The following PHF2 variants were observed in gnomAD, a reference collection of about 807,000 sequenced individuals.
The protein encoded by PHF2 is PHD finger protein 2.
Under a neutral mutation model 120.5 loss-of-function variants are expected in PHF2, and 27 were observed. The observed-to-expected ratio is 0.22, with a 90% confidence interval of 0.17 to 0.31. The LOEUF (loss-of-function observed/expected upper bound fraction) is 0.31, where lower values mean the gene tolerates loss of function less well. Ranked by LOEUF, PHF2 falls within the 10% of genes least tolerant of loss-of-function variation. PHF2 has a pLI of 1.00. For synonymous variants in PHF2, 568 were observed against 592.5 expected, an observed-to-expected ratio of 0.96 and a Z score of 0.60; for missense variants, 1,024 against 1,434.8, an observed-to-expected ratio of 0.71 and a Z score of 4.63.
At chr9:93,676,997 C>T (rs1199867534) in intron 21 of PHF2, 34 bp downstream of exon 21, 2 of 1,479,440 alleles carry the variant, frequency 1.4e-6, no homozygotes, top group Admixed American at 2.4e-5. Context: ...CTGCAGCCCC[C>T]CTGCCCTGCC....
Position 93,660,329 on chromosome 9 carries a change from C to CA in PHF2, c.1475dup (p.Thr493AspfsTer21), listed in dbSNP as rs769717544. On this transcript the variant is annotated frameshift_variant, in exon 12 of 22. Transcript: ENST00000359246. LOFTEE classifies it high-confidence loss of function. ...CTCAATCCCTCCTGGAGAAAGTGTC[C>CA]AAAAAAAAGACTCCCAAAACTGTGA... 15 of 1,606,998 alleles carry CA rather than the reference C, an allele frequency of 9.3e-6. No homozygotes were observed. Among genetic ancestry groups the CA allele is most frequent in the East Asian group, 4.5e-5 (2 of 44,676 alleles).
chr9:93,679,030 G>A lies in PHF2; in HGVS notation c.*1354G>A. The A allele has an allele frequency of 3.0e-6, 1 of 333,426 alleles. No homozygotes were observed. Among genetic ancestry groups the A allele is most frequent in the South Asian group, 2.3e-5 (1 of 43,628 alleles). The allele number at this position is 333,426 out of a possible 1,614,324, so 20.7% of individuals were successfully genotyped here. ...TCTTCAACTTTAATACCAGCTCTTT[G>A]TTTTCCTTGTATGATGAGGGGATTG... On this transcript the variant is annotated 3_prime_UTR_variant, in exon 22 of 22. Transcript: ENST00000359246.
intron 2 of PHF2, among the ~76,000 whole-genome samples, chr9:93,631,871 G>A (rs1404805339): frequency 2.0e-5 from 3 of 152,118 alleles, no homozygotes; most frequent in Non-Finnish European, 4.4e-5. Context: ...CACTTGAGAA[G>A]AGGCTTTCAG....
At chr9:93,615,304 G>A (rs555949386) in intron 1 of PHF2, among the ~76,000 whole-genome samples, 1 of 148,074 alleles carries the variant, frequency 6.8e-6, no homozygotes, top group East Asian at 2.1e-4. Flanking sequence ...TGGTGATGAT[G>A]TGTGATAGTG....
At chr9:93,586,582 A>G (rs1416945670) in intron 1 of PHF2, among the ~76,000 whole-genome samples, 2 of 152,060 alleles carry the variant, frequency 1.3e-5, no homozygotes, top group Non-Finnish European at 2.9e-5. Flanking sequence ...CTTTTGTGCC[A>G]CTCCTGGCTG....
chr9:93,621,680 C>G (rs1300249198), intron 1 of PHF2, among the ~76,000 whole-genome samples: 3 of 152,176 alleles, frequency 2.0e-5, no homozygotes, highest in Non-Finnish European at 4.4e-5. Flanking sequence ...CTTGTGCTGG[C>G]CGTGCACGTT....
intron 3 of PHF2, 144 bp from the exon 4 acceptor site, chr9:93,645,485 C>T (rs1448457020): frequency 2.5e-6 from 2 of 794,540 alleles, no homozygotes; most frequent in Admixed American, 2.9e-5. Flanking sequence ...ATTTGTGGCA[C>T]CACGGCCAGG....
rs375607589 is a variant in PHF2 at position 93,660,545 on chromosome 9, G to T, written c.1683G>T (p.Pro561=). The T allele has an allele frequency of 1.9e-6, 3 of 1,566,260 alleles. No homozygotes were observed. The highest frequency in any genetic ancestry group is 1.2e-5 in the South Asian group (1 of 81,824). Reference sequence around the variant, plus strand: ...AGGAGGCACTGACCAAGATGGAGCCGCCCAAGAAGGGCAAGGTGGGACCCC... The same window carrying T: ...AGGAGGCACTGACCAAGATGGAGCCTCCCAAGAAGGGCAAGGTGGGACCCC... ...HTKEALTKME[P]PKKGKATKSV... Residue 561 remains proline, a synonymous_variant, in exon 12 of 22, where the codon CCG becomes CCT. Coordinates refer to ENST00000359246, the MANE Select transcript of PHF2 (RefSeq NM_005392.4).
At position 93,648,976 on chromosome 9, in the gene PHF2, G is replaced by A. The variant is rs1384810192; in HGVS notation, c.461-95G>A. On this transcript the variant is annotated intron_variant, in intron 4 of 21. Transcript: ENST00000359246. ...CTGGCAGCTCCTGCTGTGTGTGAGG[G>A]CAGCCAAGAGTGTGTGTCCACTCCA... The A allele has an allele frequency of 5.7e-6, 8 of 1,400,354 alleles. No individual in the cohort carries two copies. The Admixed American group carries it at 1.6e-4, about 28-fold the overall frequency. The allele number at this position is 1,400,354 out of a possible 1,614,324, so 86.7% of individuals were successfully genotyped here. A position where few individuals can be genotyped will look rare whatever the true frequency, so the allele number is the denominator to read the frequency against.
chr9:93,608,334 A>T (rs77915501), intron 1 of PHF2, among the ~76,000 whole-genome samples: 7 of 150,172 alleles, frequency 4.7e-5, no homozygotes, highest in African/African-American at 1.2e-4. Context: ...TAATAATAAT[A>T]ATTATTATTT....
chr9:93,663,820 A>G (rs935477362), intron 14 of PHF2, among the ~76,000 whole-genome samples, 185 bp downstream of exon 14: 14 of 152,104 alleles, frequency 9.2e-5, no homozygotes, highest in African/African-American at 3.4e-4. Flanking sequence ...CACATCACGT[A>G]CCCCATAAAC....
chr9:93,659,125 G>T (rs1186557634), intron 10 of PHF2, among the ~76,000 whole-genome samples: 1 of 152,232 alleles, frequency 6.6e-6, no homozygotes, highest in Non-Finnish European at 1.5e-5. Context: ...GAGGCAGCCA[G>T]TGCACTCCCA....
intron 20 of PHF2, among the ~76,000 whole-genome samples, chr9:93,676,098 C>A (rs1338065020): frequency 6.6e-6 from 1 of 152,200 alleles, no homozygotes; most frequent in South Asian, 2.1e-4. Flanking sequence ...CCCCTCCCCC[C>A]ATCATGTGGG....
chr9:93,582,642 C>T (rs894635080), intron 1 of PHF2, among the ~76,000 whole-genome samples: 2 of 152,186 alleles, frequency 1.3e-5, no homozygotes, highest in Admixed American at 6.5e-5. Context: ...CTGGACCCCC[C>T]CGCCACCATA....
chr9:93,671,349 G>T (rs1211865826), intron 17 of PHF2, among the ~76,000 whole-genome samples: 19 of 130,576 alleles, frequency 1.5e-4, no homozygotes, highest in South Asian at 5.2e-4. Context: ...TGGGAGTAGG[G>T]TCAGGTGTAG....
At chr9:93,615,411 G>T (rs1458823260) in intron 1 of PHF2, among the ~76,000 whole-genome samples, 2 of 152,306 alleles carry the variant, frequency 1.3e-5, no homozygotes, top group Middle Eastern at 3.4e-3. Flanking sequence ...GATGATGATG[G>T]TGATGATAAC....
chr9:93,654,627 C>T (rs1826426456), intron 7 of PHF2, 52 bp downstream of exon 7: 1 of 1,546,580 alleles, frequency 6.5e-7, no homozygotes, highest in African/African-American at 1.4e-5. Flanking sequence ...CGGCCCTCAT[C>T]AAGCTTACTG....
At chr9:93,639,182 G>A (rs11534279) in intron 3 of PHF2, among the ~76,000 whole-genome samples, 65,730 of 152,018 alleles carry the variant, frequency 0.43, 14,702 homozygotes, top group African/African-American at 0.5. Flanking sequence ...CATCTTAACA[G>A]TGTTAAAACC....
chr9:93,588,978 T>C (rs1394580525), intron 1 of PHF2, among the ~76,000 whole-genome samples: 7 of 152,150 alleles, frequency 4.6e-5, no homozygotes, highest in Admixed American at 4.6e-4. Flanking sequence ...ATGGTATTTA[T>C]GTTTAGGGAA....
Sources: allele counts gnomAD v4.1 joint callset (sites outside exome capture counted in the v4.1 genomes callset), GRCh38; gene constraint gnomAD v4.1.1; transcripts MANE v1.5; gene names NCBI Gene and HGNC (gene_info 2026-07-23, HGNC 2026-07-21).